PLPP4: variants seen among roughly 807,000 people sequenced by gnomAD.
The protein encoded by PLPP4 is diacylglycerol pyrophosphate like 2.
In PLPP4, 20 loss-of-function variants were observed where a neutral mutation model predicts 32.2. The observed-to-expected ratio is 0.62, with a 90% CI of 0.44 to 0.90. The LOEUF is 0.90. PLPP4 is among the 40% of genes least tolerant of loss of function. The pLI, the probability that PLPP4 is intolerant of heterozygous loss-of-function variation, is 0.00. For missense variants in PLPP4, 257 were observed against 353.1 expected, an observed-to-expected ratio of 0.73 and a Z score of 2.18; for synonymous variants, 127 against 133.0, an observed-to-expected ratio of 0.95 and a Z score of 0.31.
chr10:120,544,429 C>G (rs1651905332), intron 5 of PLPP4, among the ~76,000 whole-genome samples: 1 of 152,170 alleles, frequency 6.6e-6, no homozygotes, highest in African/African-American at 2.4e-5. Flanking sequence ...AGCAAGTTGC[C>G]CATTCCTGCT....
At chr10:120,462,901 G>T (rs1404837519) in intron 1 of PLPP4, among the ~76,000 whole-genome samples, 1 of 152,084 alleles carries the variant, frequency 6.6e-6, no homozygotes, top group Non-Finnish European at 1.5e-5. Flanking sequence ...TAAGAGGGAG[G>T]GGGACTTTTT....
chr10:120,457,721 G>A (rs970494670), intron 1 of PLPP4, among the ~76,000 whole-genome samples: 1 of 152,168 alleles, frequency 6.6e-6, no homozygotes, highest in Non-Finnish European at 1.5e-5. Context: ...CCTTCTGTGT[G>A]ATCTTTGAGG....
At chr10:120,567,213 G>A (rs1236399371) in intron 5 of PLPP4, among the ~76,000 whole-genome samples, 6 of 152,150 alleles carry the variant, frequency 3.9e-5, no homozygotes, top group African/African-American at 2.4e-5. Flanking sequence ...GAAGCCCTAG[G>A]TTTGGGAATT....
intron 5 of PLPP4, among the ~76,000 whole-genome samples, chr10:120,557,502 T>G (rs1179801565): frequency 1.3e-5 from 2 of 152,212 alleles, no homozygotes; most frequent in Non-Finnish European, 2.9e-5. Context: ...TCATTGCACT[T>G]GAATAATGAG....
intron 1 of PLPP4, among the ~76,000 whole-genome samples, chr10:120,487,323 G>A (rs1844504741): frequency 6.6e-6 from 1 of 152,156 alleles, no homozygotes. Context: ...CATTGAGATG[G>A]GAAGGCAACT....
intron 1 of PLPP4, among the ~76,000 whole-genome samples, chr10:120,472,890 T>C (rs971883429): frequency 6.6e-6 from 1 of 152,204 alleles, no homozygotes; most frequent in East Asian, 1.9e-4. Context: ...GCTGGTATGT[T>C]CATGCAATAA....
intron 2 of PLPP4, among the ~76,000 whole-genome samples, chr10:120,511,770 C>T (rs1344547246): frequency 6.6e-6 from 1 of 152,178 alleles, no homozygotes; most frequent in Non-Finnish European, 1.5e-5. Flanking sequence ...CAATCATCAG[C>T]ATCAGTACCA....
At chr10:120,568,862 A>C (rs1848803472) in intron 5 of PLPP4, among the ~76,000 whole-genome samples, 1 of 152,202 alleles carries the variant, frequency 6.6e-6, no homozygotes, top group Admixed American at 6.5e-5. Flanking sequence ...GCAAGGAGTA[A>C]CATTTATGAG....
At position 120,591,355 on chromosome 10, in the gene PLPP4, G is replaced by C. The variant is rs2134098272; in HGVS notation, c.*1853G>C. 6.6e-6 allele frequency among the ~76,000 whole-genome samples: 1 copy of C among 152,228 alleles called. No individual in the cohort carries two copies. Among genetic ancestry groups the C allele is most frequent in the East Asian group, 1.9e-4 (1 of 5,184 alleles). ...CCTGGATGGAGTGGGAGAGGGGGAG[G>C]CTTGAATTGACTTTCATCCAAAGTC... is the stretch of plus-strand genomic sequence containing the variant. On this transcript the variant is annotated 3_prime_UTR_variant, in exon 7 of 7. Coordinates refer to ENST00000398250, the MANE Select transcript of PLPP4 (RefSeq NM_001030059.3).
chr10:120,563,806 C>CAAAAAAAAAAA (rs139746974), intron 5 of PLPP4, among the ~76,000 whole-genome samples: 3 of 86,484 alleles, frequency 3.5e-5, no homozygotes, highest in African/African-American at 5.0e-5. Context: ...GACTCCGTCT[C>CAAAAAAAAAAA]AAAAAAAAAA....
intron 5 of PLPP4, among the ~76,000 whole-genome samples, chr10:120,570,037 C>A (rs1380622711): frequency 1.3e-5 from 2 of 152,210 alleles, no homozygotes; most frequent in Non-Finnish European, 2.9e-5. Context: ...CTCCATTTCT[C>A]ATTCATAGAA....
At chr10:120,512,933 T>C (rs2133889226) in intron 2 of PLPP4, among the ~76,000 whole-genome samples, 1 of 152,354 alleles carries the variant, frequency 6.6e-6, no homozygotes, top group East Asian at 1.9e-4. Context: ...TCCAGAATTA[T>C]GAACACTATT....
At chr10:120,538,446 C>T (rs943215202) in intron 5 of PLPP4, among the ~76,000 whole-genome samples, 10 of 152,042 alleles carry the variant, frequency 6.6e-5, no homozygotes, top group African/African-American at 2.4e-4. Context: ...CTAAATAGCA[C>T]CTTCCCTCTA....
At chr10:120,469,813 A>C (rs545910389) in intron 1 of PLPP4, among the ~76,000 whole-genome samples, 1 of 152,186 alleles carries the variant, frequency 6.6e-6, no homozygotes, top group Non-Finnish European at 1.5e-5. Flanking sequence ...TCTCTTTAAG[A>C]TATTATATAT....
chr10:120,481,600 G>A (rs75892989), intron 1 of PLPP4, among the ~76,000 whole-genome samples: 8,417 of 152,154 alleles, frequency 0.055, 285 homozygotes, highest in Middle Eastern at 0.15. Context: ...TATACAACTG[G>A]GTCCTTACAG....
At chr10:120,493,308 G>T (rs537304658) in intron 1 of PLPP4, among the ~76,000 whole-genome samples, 1 of 152,256 alleles carries the variant, frequency 6.6e-6, no homozygotes, top group Non-Finnish European at 1.5e-5. Context: ...TTCCCCTGTT[G>T]GGTCTAAGGG....
At chr10:120,463,575 G>A (rs764678105) in intron 1 of PLPP4, among the ~76,000 whole-genome samples, 39 of 152,132 alleles carry the variant, frequency 2.6e-4, no homozygotes, top group Admixed American at 1.5e-3. Flanking sequence ...GTAACTTCTC[G>A]CCACCCTTGT....
rs1849976244 is a variant in PLPP4, at chr10:120,591,007, G to T, written c.*1505G>T. ...TGGTCTCGGACTCCTAGCCTCAAGT[G>T]ATCTGCCCACCTCGGCCTCCCAAAG... On this transcript the variant is annotated 3_prime_UTR_variant, in exon 7 of 7. Coordinates refer to ENST00000398250, the MANE Select transcript of PLPP4 (RefSeq NM_001030059.3). 6.6e-6 allele frequency among the ~76,000 whole-genome samples: 1 copy of T among 152,068 alleles called. No individual in the cohort carries two copies. Among genetic ancestry groups the T allele is most frequent in the South Asian group, 2.1e-4 (1 of 4,810 alleles).
At chr10:120,477,062 A>C (rs1175401294) in intron 1 of PLPP4, among the ~76,000 whole-genome samples, 1 of 152,112 alleles carries the variant, frequency 6.6e-6, no homozygotes. Context: ...CTCTCCCTGG[A>C]TGTCAGCAGA....
Sources: allele counts gnomAD v4.1 joint callset (sites outside exome capture counted in the v4.1 genomes callset), GRCh38; gene constraint gnomAD v4.1.1; transcripts MANE v1.5; gene names NCBI Gene and HGNC (gene_info 2026-07-23, HGNC 2026-07-21).